Variants in ZMYND8 observed in about 807,000 individuals in gnomAD.
ZMYND8 encodes zinc finger MYND-type containing 8.
ZMYND8 carries 37 observed loss-of-function variants against 140.8 expected under a neutral mutation model. That is an observed-to-expected ratio of 0.26 (90% CI 0.20 to 0.35). The LOEUF (loss-of-function observed/expected upper bound fraction) is 0.35. Ranked by LOEUF, ZMYND8 falls within the 10% of genes least tolerant of loss-of-function variation. The pLI is 1.00. For missense variants in ZMYND8, 1,068 were observed against 1,570.0 expected (o/e 0.68, Z 5.40); for synonymous variants, 592 against 597.1 (o/e 0.99, Z 0.12).
chr20:47,259,833 G>A (rs1306640304), intron 12 of ZMYND8, among the ~76,000 whole-genome samples: 1 of 152,146 alleles, frequency 6.6e-6, no homozygotes, highest in Admixed American at 6.5e-5. Context: ...TTAGATGCCA[G>A]CAGTGTCCCC....
At chr20:47,335,919 C>A (rs1285850593) in intron 2 of ZMYND8, among the ~76,000 whole-genome samples, 1 of 152,238 alleles carries the variant, frequency 6.6e-6, no homozygotes, top group African/African-American at 2.4e-5. Context: ...TGGTAGTCAT[C>A]TAACTCACAA....
intron 11 of ZMYND8, among the ~76,000 whole-genome samples, chr20:47,274,440 T>G (rs1306527677): frequency 2.0e-5 from 3 of 152,168 alleles, no homozygotes; most frequent in Non-Finnish European, 4.4e-5. Flanking sequence ...GCTGCCAAGG[T>G]TAAAATTTTA....
rs974313655 is a variant in ZMYND8 at position 47,264,695 on chromosome 20, A to G, written c.1481-2267T>C. On this transcript the variant is annotated intron_variant, in intron 11 of 22. Transcript: ENST00000471951. ...GGGCTGCTATATTATTACTAGTCCT[A>G]TCACTGGTACTGTAAGACATAGAAC... 3.3e-5 allele frequency among the ~76,000 whole-genome samples: 5 copies of G among 152,192 alleles called. No individual in the cohort carries two copies. In the South Asian group the frequency reaches 6.2e-4, roughly 19 times the overall value.
At chr20:47,333,072 C>T (rs1044559527) in intron 2 of ZMYND8, among the ~76,000 whole-genome samples, 1 of 152,176 alleles carries the variant, frequency 6.6e-6, no homozygotes, top group African/African-American at 2.4e-5. Context: ...TGAGGTCACA[C>T]ACAGTGGCTC....
intron 2 of ZMYND8, among the ~76,000 whole-genome samples, chr20:47,315,745 A>C (rs2079336958): frequency 6.6e-6 from 1 of 152,172 alleles, no homozygotes; most frequent in Non-Finnish European, 1.5e-5. Flanking sequence ...TGTCGACTGA[A>C]CCACTGGTTC....
intron 12 of ZMYND8, among the ~76,000 whole-genome samples, chr20:47,256,669 A>G (rs1461562015): frequency 6.6e-6 from 1 of 152,172 alleles, no homozygotes; most frequent in Admixed American, 6.5e-5. Flanking sequence ...AAAGCCAAAC[A>G]GAGATCTTCC....
At chr20:47,343,340 C>T (rs1199385373) in intron 2 of ZMYND8, among the ~76,000 whole-genome samples, 1 of 152,116 alleles carries the variant, frequency 6.6e-6, no homozygotes, top group Non-Finnish European at 1.5e-5. Context: ...ACACAAGAGC[C>T]AACACAAAGA....
intron 12 of ZMYND8, among the ~76,000 whole-genome samples, chr20:47,254,160 C>A (rs946658323): frequency 6.6e-6 from 1 of 152,216 alleles, no homozygotes; most frequent in East Asian, 1.9e-4. Context: ...ACCCTTGCTG[C>A]CAACATTTTG....
At chr20:47,266,818 T>G (rs2075559102) in intron 11 of ZMYND8, among the ~76,000 whole-genome samples, 2 of 151,220 alleles carry the variant, frequency 1.3e-5, no homozygotes, top group African/African-American at 4.9e-5. Context: ...AAGCACTCTG[T>G]GTGTGTGTGT....
intron 10 of ZMYND8, 114 bp from the exon 11 acceptor site, chr20:47,276,909 T>TA: frequency 2.8e-6 from 2 of 718,238 alleles, no homozygotes; most frequent in Non-Finnish European, 3.7e-6. Context: ...TCTTATTCTA[T>TA]TAAAAAAAAA....
At chr20:47,233,280 G>A (rs2038794798) in intron 16 of ZMYND8, among the ~76,000 whole-genome samples, 1 of 145,200 alleles carries the variant, frequency 6.9e-6, no homozygotes, top group Non-Finnish European at 1.5e-5. Context: ...TGCAATCACA[G>A]CTCACTGCAG....
intron 14 of ZMYND8, among the ~76,000 whole-genome samples, chr20:47,241,139 C>CA (rs1394774670): frequency 6.6e-6 from 1 of 151,332 alleles, no homozygotes; most frequent in Non-Finnish European, 1.5e-5. Flanking sequence ...ACTAAAGATA[C>CA]AAAAAATTAG....
At chr20:47,228,654 T>A (rs2147046164) in intron 17 of ZMYND8, among the ~76,000 whole-genome samples, 1 of 152,358 alleles carries the variant, frequency 6.6e-6, no homozygotes, top group South Asian at 2.1e-4. Flanking sequence ...GTCTCTTAAA[T>A]CTTTGTATTC....
At chr20:47,278,988 C>A (rs2076428183) in intron 10 of ZMYND8, among the ~76,000 whole-genome samples, 1 of 151,862 alleles carries the variant, frequency 6.6e-6, no homozygotes, top group Non-Finnish European at 1.5e-5. Flanking sequence ...TCTGGAGAAT[C>A]AAGAGGCAGG....
intron 19 of ZMYND8, 28 bp downstream of exon 19, chr20:47,224,289 G>A: frequency 6.2e-7 from 1 of 1,612,848 alleles, no homozygotes; most frequent in Non-Finnish European, 8.5e-7. Context: ...TGCAGCCCAG[G>A]ACGGGAGGCA....
At chr20:47,335,106 G>A (rs1189040404) in intron 2 of ZMYND8, among the ~76,000 whole-genome samples, 1 of 151,822 alleles carries the variant, frequency 6.6e-6, no homozygotes, top group Admixed American at 6.6e-5. Flanking sequence ...CATTAGCCAG[G>A]GGTGGTAGTG....
At chr20:47,333,229 G>C (rs1425956887) in intron 2 of ZMYND8, among the ~76,000 whole-genome samples, 2 of 151,944 alleles carry the variant, frequency 1.3e-5, no homozygotes, top group Non-Finnish European at 2.9e-5. Context: ...AAACACAAAT[G>C]CATTTAAGCC....
In ZMYND8 at chr20:47,214,292, C is replaced by T. The variant is rs75675105; in HGVS notation, c.3485-1567G>A. Among the ~76,000 whole-genome samples, 1,499 of 152,308 alleles carry T rather than the reference C, an allele frequency of 9.8e-3. 8 individuals carry two copies. The highest frequency in any genetic ancestry group is 0.017 in the Non-Finnish European group (1,155 of 68,012). ...ACACAAACTGCTTTGGTGAGAAAAT[C>T]GGGAAGACTGAGAAGACTGACGGCT... On this transcript the variant is annotated intron_variant, in intron 21 of 22. Transcript: ENST00000471951.
Position 47,249,291 on chromosome 20 carries a change from T to C in ZMYND8, c.1770A>G (p.Gln590=), listed in dbSNP as rs1413007662. The change falls in exon 13 of 23, where the codon CAA becomes CAG. Residue 590 remains glutamine (Q), a synonymous_variant. Coordinates refer to ENST00000471951, the MANE Select transcript of ZMYND8 (RefSeq NM_001281775.3). ...AAAACAAAACCAAAGGTATACCTAATTGTGCTTTGCAACTCTCTATGGTCT... is the reference window on the plus strand; with the variant it reads ...AAAACAAAACCAAAGGTATACCTAACTGTGCTTTGCAACTCTCTATGGTCT... ...LDKTIESCKA[Q]LGINEISEDV... The C allele has an allele frequency of 1.2e-6, 2 of 1,613,160 alleles. No individual in the cohort carries two copies. The highest frequency in any genetic ancestry group is 1.3e-5 in the African/African-American group (1 of 74,970).
Sources: gnomAD v4.1 joint callset for allele counts (sites outside exome capture counted in the v4.1 genomes callset) on GRCh38, gnomAD v4.1.1 for gene constraint, MANE v1.5 for transcripts, NCBI Gene and HGNC (gene_info 2026-07-23, HGNC 2026-07-21) for gene names.